PRKCE: variants seen among roughly 807,000 people sequenced by gnomAD.
PRKCE encodes the protein protein kinase C epsilon.
In PRKCE, 16 loss-of-function variants were observed where a neutral mutation model predicts 85.4. That is an observed-to-expected ratio of 0.19 (90% CI 0.13 to 0.28). The LOEUF is 0.28. Among genes scored for constraint, PRKCE ranks in the 10% least tolerant of loss-of-function variants. The pLI is 1.00. For synonymous variants in PRKCE, 388 were observed against 371.5 expected (o/e 1.04, Z -0.51); for missense variants, 573 against 975.2 (o/e 0.59, Z 5.49).
At position 46,184,100 on chromosome 2, in the gene PRKCE, A is replaced by C. The variant is rs949111407; in HGVS notation, c.2068-635A>C. Among the ~76,000 whole-genome samples, 3 of 152,216 alleles carry C rather than the reference A, an allele frequency of 2.0e-5. No individual in the cohort carries two copies. Among genetic ancestry groups the C allele is most frequent in the Admixed American group, 6.5e-5 (1 of 15,276 alleles). On this transcript the variant is annotated intron_variant, in intron 14 of 14. Coordinates refer to ENST00000306156, the MANE Select transcript of PRKCE (RefSeq NM_005400.3). The surrounding 1 kb of genome is among the most constrained non-coding windows in gnomAD (Gnocchi z 5.0). ...TGCTGGGGAACTGCTGGGAACTCAA[A>C]GTTGAACAAGACAAGGTCTCTGCCT...
intron 2 of PRKCE, among the ~76,000 whole-genome samples, chr2:45,934,984 G>A (rs768857364): frequency 4.6e-5 from 7 of 151,420 alleles, no homozygotes; most frequent in East Asian, 3.9e-4. Context: ...TTGCTTGATC[G>A]TGGGAGGTTG....
chr2:45,671,753 T>G (rs1572898018), intron 1 of PRKCE, among the ~76,000 whole-genome samples: 1 of 152,070 alleles, frequency 6.6e-6, no homozygotes, highest in East Asian at 1.9e-4. Flanking sequence ...AGAAGTTTAG[T>G]GACTTGATCA....
intron 9 of PRKCE, 49 bp downstream of exon 9, chr2:46,007,710 C>G: frequency 1.3e-6 from 2 of 1,549,634 alleles, no homozygotes; most frequent in Non-Finnish European, 1.8e-6. Flanking sequence ...TACTCCTTAG[C>G]ATTGTTTCGT....
At chr2:45,810,387 A>G (rs974237147) in intron 1 of PRKCE, among the ~76,000 whole-genome samples, 2 of 152,222 alleles carry the variant, frequency 1.3e-5, no homozygotes, top group African/African-American at 2.4e-5. Context: ...TGAAACAAAT[A>G]TTATCTTTGC....
intron 14 of PRKCE, among the ~76,000 whole-genome samples, chr2:46,170,386 CAT>C (rs1433088171): frequency 2.6e-5 from 4 of 152,328 alleles, no homozygotes; most frequent in African/African-American, 9.6e-5. Context: ...AATTTCCAAA[CAT>C]ATATAAAAGT....
chr2:46,129,122 G>A (rs1674156702), intron 11 of PRKCE, among the ~76,000 whole-genome samples: 4 of 152,174 alleles, frequency 2.6e-5, no homozygotes. Context: ...TCTTTAAAAT[G>A]GGAGTGATGA....
At chr2:45,836,421 C>G (rs1296667972) in intron 1 of PRKCE, among the ~76,000 whole-genome samples, 4 of 152,244 alleles carry the variant, frequency 2.6e-5, no homozygotes, top group Non-Finnish European at 5.9e-5. Flanking sequence ...AATGAAGAGT[C>G]TTTAATTAGC....
At chr2:45,934,860 G>A (rs1357628733) in intron 2 of PRKCE, among the ~76,000 whole-genome samples, 5 of 147,152 alleles carry the variant, frequency 3.4e-5, no homozygotes, top group Non-Finnish European at 7.4e-5. Flanking sequence ...CAAGACCAGC[G>A]TGGGCAACAT....
chr2:45,728,625 A>G (rs1416523631), intron 1 of PRKCE, among the ~76,000 whole-genome samples: 2 of 152,168 alleles, frequency 1.3e-5, no homozygotes, highest in Non-Finnish European at 2.9e-5. Context: ...AGGAACCTTC[A>G]TTCTCAGCCC....
chr2:46,097,882 A>G (rs1447937486), intron 11 of PRKCE, among the ~76,000 whole-genome samples: 2 of 152,204 alleles, frequency 1.3e-5, no homozygotes, highest in Non-Finnish European at 2.9e-5. Flanking sequence ...GGGTGAAAGC[A>G]TTGTGACCTA....
intron 1 of PRKCE, among the ~76,000 whole-genome samples, chr2:45,808,510 C>A (rs1040363148): frequency 6.6e-6 from 1 of 152,186 alleles, no homozygotes; most frequent in Non-Finnish European, 1.5e-5. Context: ...TCACTCCTCC[C>A]TGGCTTCCTG....
Position 45,845,670 on chromosome 2 carries a change from A to G in PRKCE, c.412+2607A>G, listed in dbSNP as rs1449199707. The G allele has an allele frequency of 2.6e-5, 4 of 152,146 alleles. 1 individual carries two copies. Among genetic ancestry groups the G allele is most frequent in the Admixed American group, 1.3e-4 (2 of 15,268 alleles). The allele number at this position is 152,146 out of a possible 1,614,324, so 9.4% of individuals were successfully genotyped here. On this transcript the variant is annotated intron_variant, in intron 2 of 14. Transcript: ENST00000306156. ...CGCCGAAGGATTCTTTTTCTTGCTCATATGCTGTTAGAAAGCCTGGGCGTT... is the reference window on the plus strand; with the variant it reads ...CGCCGAAGGATTCTTTTTCTTGCTCGTATGCTGTTAGAAAGCCTGGGCGTT...
At chr2:45,762,552 G>A (rs1416185818) in intron 1 of PRKCE, among the ~76,000 whole-genome samples, 1 of 152,298 alleles carries the variant, frequency 6.6e-6, no homozygotes, top group South Asian at 2.1e-4. Flanking sequence ...GATCAAAATG[G>A]CATCTTGTGC....
chr2:46,169,854 C>T (rs1678717588), intron 14 of PRKCE, among the ~76,000 whole-genome samples: 1 of 152,166 alleles, frequency 6.6e-6, no homozygotes, highest in African/African-American at 2.4e-5. Context: ...CAGATTGAAG[C>T]ACCCACCTTG....
intron 2 of PRKCE, among the ~76,000 whole-genome samples, chr2:45,846,884 A>G (rs1465245015): frequency 6.6e-6 from 1 of 152,238 alleles, no homozygotes; most frequent in Non-Finnish European, 1.5e-5. Context: ...TGATCAGTAA[A>G]TATCATGAAG....
chr2:45,887,074 G>T (rs1187865928), intron 2 of PRKCE, among the ~76,000 whole-genome samples: 1 of 152,158 alleles, frequency 6.6e-6, no homozygotes, highest in Non-Finnish European at 1.5e-5. Flanking sequence ...CTGATGCCTG[G>T]GTTTTTACAT....
At position 45,652,273 on chromosome 2, in the gene PRKCE, A is replaced by G; in HGVS notation, c.173A>G (p.Gln58Arg). 6.2e-7 allele frequency: 1 copy of G among 1,613,322 alleles called. No individual in the cohort carries two copies. The highest frequency in any genetic ancestry group is 8.5e-7 in the Non-Finnish European group (1 of 1,179,980). ...CGCATCGGCCAAACGGCCACCAAGC[A>G]GAAGACCAACAGCCCGGCCTGGCAC... The part of the protein sequence containing the change: ...DSRIGQTATK[Q>R]KTNSPAWHDE... Residue 58 changes from glutamine to arginine, a missense_variant, in exon 1 of 15, where the codon CAG becomes CGG. Physicochemically the swap from Gln to Arg is conservative, Grantham distance 43. Around this residue, in one of 11 missense-constraint regions of PRKCE, gnomAD observed 100 missense variants for 177.1 expected, o/e 0.56. Transcript: ENST00000306156. The surrounding 1 kb of genome is among the most constrained non-coding windows in gnomAD (Gnocchi z 7.7).
chr2:45,675,882 G>A (rs1244331687), intron 1 of PRKCE, among the ~76,000 whole-genome samples: 1 of 152,138 alleles, frequency 6.6e-6, no homozygotes, highest in African/African-American at 2.4e-5. Context: ...TAGGTGGGTG[G>A]GGAGGGGTGA....
intron 10 of PRKCE, among the ~76,000 whole-genome samples, chr2:46,085,766 T>A (rs1314683382): frequency 2.1e-5 from 2 of 95,508 alleles, no homozygotes; most frequent in East Asian, 1.5e-3. Flanking sequence ...TTTTTTTTTT[T>A]TTTTTTAGCC....
Sources: gnomAD v4.1 joint callset for allele counts (sites outside exome capture counted in the v4.1 genomes callset) on GRCh38, gnomAD v4.1.1 for gene constraint, gnomAD v4.1.1 regional missense constraint, Gnocchi (gnomAD v3.1) non-coding constraint, MANE v1.5 for transcripts, NCBI Gene and HGNC (gene_info 2026-07-23, HGNC 2026-07-21) for gene names.